The following TMEM65 variants were observed in gnomAD, a reference collection of about 807,000 sequenced individuals.
TMEM65 encodes the protein transmembrane protein 65.
In TMEM65, 22 loss-of-function variants were observed where a neutral mutation model predicts 25.4. The observed-to-expected ratio is 0.86, with a 90% CI of 0.62 to 1.23. The LOEUF (loss-of-function observed/expected upper bound fraction) is 1.23, where lower values mean the gene tolerates loss of function less well. Among genes scored for constraint, TMEM65 ranks in the 50% most tolerant of loss-of-function variants. The pLI is 0.00. For synonymous variants in TMEM65, 132 were observed against 126.2 expected (o/e 1.05, Z -0.31); for missense variants, 262 against 308.2 (o/e 0.85, Z 1.12).
chr8:124,323,054 G>T (rs941739259), intron 4 of TMEM65, among the ~76,000 whole-genome samples: 4 of 151,972 alleles, frequency 2.6e-5, no homozygotes, highest in Admixed American at 2.6e-4. Flanking sequence ...ATGTTTAGGG[G>T]TAACACTGAA....
chr8:124,350,908 C>G (rs1814698350), intron 1 of TMEM65: 1 of 797,378 alleles, frequency 1.3e-6, no homozygotes, highest in South Asian at 5.7e-5. Context: ...AGTTATTGTT[C>G]CATCATACAG....
intron 1 of TMEM65, among the ~76,000 whole-genome samples, chr8:124,355,599 T>C (rs756681908): frequency 2.8e-4 from 43 of 152,198 alleles, no homozygotes; most frequent in Admixed American, 3.3e-4. Context: ...CAAATTAAAA[T>C]TTGGGAAGCA....
intron 4 of TMEM65, 57 bp downstream of exon 4, chr8:124,323,264 T>C (rs577256559): frequency 3.1e-6 from 3 of 956,224 alleles, no homozygotes; most frequent in Non-Finnish European, 4.7e-6. Flanking sequence ...AAACTTAATC[T>C]ACTGAAATGT....
At chr8:124,353,168 T>G (rs1814735194) in intron 1 of TMEM65, among the ~76,000 whole-genome samples, 1 of 151,864 alleles carries the variant, frequency 6.6e-6, no homozygotes, top group Admixed American at 6.6e-5. Context: ...GAGACAGGCT[T>G]CCACACACTA....
chr8:124,311,208 T>C lies in TMEM65; in HGVS notation c.*2752A>G, dbSNP rs886508073. The stretch of plus-strand genomic sequence containing the variant: ...CTCACTCTTCACTCATACGCTGATG[T>C]TGTATCTCAGGTGCAGATTCCAGGG... On this transcript the variant is annotated 3_prime_UTR_variant, in exon 7 of 7. Transcript: ENST00000297632. 9 of 152,284 alleles carry C rather than the reference T, an allele frequency of 5.9e-5. No homozygotes were observed. The highest frequency in any genetic ancestry group is 5.9e-4 in the Admixed American group (9 of 15,278). 9.4% of individuals were successfully genotyped at this position (152,284 alleles called of 1,614,324 possible).
intron 1 of TMEM65, among the ~76,000 whole-genome samples, chr8:124,336,810 T>C (rs1814513765): frequency 6.6e-6 from 1 of 151,630 alleles, no homozygotes; most frequent in Admixed American, 6.6e-5. Context: ...AAAGAAGCAA[T>C]GAAACAGAAA....
chr8:124,344,591 T>C (rs1194740788), intron 1 of TMEM65, among the ~76,000 whole-genome samples: 7 of 152,188 alleles, frequency 4.6e-5, no homozygotes, highest in Admixed American at 4.6e-4. Context: ...CATAAATATA[T>C]CTGGTATGAT....
At position 124,326,727 on chromosome 8, in the gene TMEM65, T is replaced by A. The variant is rs1202706702; in HGVS notation, c.417+627A>T. On this transcript the variant is annotated intron_variant, in intron 3 of 6. Coordinates refer to ENST00000297632, the MANE Select transcript of TMEM65 (RefSeq NM_194291.3). ...CTGACTTTAGAATATGAACCTAATA[T>A]TGGTATCCATTAGCAGGCCTTATAT... Among the ~76,000 whole-genome samples, 4 of 152,196 alleles carry A rather than the reference T, an allele frequency of 2.6e-5. No homozygotes were observed. In the East Asian group the frequency reaches 7.7e-4, roughly 29 times the overall value.
At chr8:124,321,826 A>G (rs982317519) in intron 5 of TMEM65, among the ~76,000 whole-genome samples, 2 of 152,174 alleles carry the variant, frequency 1.3e-5, no homozygotes, top group Admixed American at 6.6e-5. Flanking sequence ...AAACTTTTGC[A>G]TACATCAGAA....
intron 3 of TMEM65, among the ~76,000 whole-genome samples, chr8:124,326,314 G>T (rs57243330): frequency 9.5e-4 from 144 of 151,994 alleles, no homozygotes; most frequent in African/African-American, 3.1e-3. Context: ...TTCACATAAG[G>T]TATTCTAAAA....
At position 124,312,976 on chromosome 8, in the gene TMEM65, G is replaced by GA. The variant is rs201559272; in HGVS notation, c.*983dup. On this transcript the variant is annotated 3_prime_UTR_variant, in exon 7 of 7. Coordinates refer to ENST00000297632, the MANE Select transcript of TMEM65 (RefSeq NM_194291.3). ...GATGAGAAGATGACATCTTTGGAGG[G>GA]AAAAAAAAAAACCTTACCAAATAAT... 0.066 allele frequency: 9,438 copies of GA among 142,820 alleles called. 713 individuals carry two copies. The highest frequency in any genetic ancestry group is 0.18 in the African/African-American group (7,102 of 39,664). The allele number at this position is 142,820 out of a possible 1,614,324, so 8.8% of individuals were successfully genotyped here.
chr8:124,342,402 G>T (rs1451734414), intron 1 of TMEM65, among the ~76,000 whole-genome samples: 3 of 152,042 alleles, frequency 2.0e-5, no homozygotes, highest in Non-Finnish European at 2.9e-5. Context: ...ACATAAAGCA[G>T]AACAAGAATT....
intron 1 of TMEM65, among the ~76,000 whole-genome samples, chr8:124,339,376 T>C (rs1004705515): frequency 1.3e-5 from 2 of 150,890 alleles, no homozygotes; most frequent in Non-Finnish European, 2.9e-5. Flanking sequence ...AAAAAAGTTA[T>C]TTCTGTATAT....
Position 124,311,154 on chromosome 8 carries a change from T to C in TMEM65, c.*2806A>G, listed in dbSNP as rs1237108394. The stretch of plus-strand genomic sequence containing the variant: ...TGTAAATACCCATCAGTGTGACTTA[T>C]GTGAGTCTATCTAAAGCTTTTCTAT... On this transcript the variant is annotated 3_prime_UTR_variant, in exon 7 of 7. Transcript: ENST00000297632. 2.0e-5 allele frequency: 3 copies of C among 152,216 alleles called. No homozygotes were observed. Among genetic ancestry groups the C allele is most frequent in the South Asian group, 2.1e-4 (1 of 4,836 alleles). The allele number at this position is 152,216 out of a possible 1,614,324, so 9.4% of individuals were successfully genotyped here. A position where few individuals can be genotyped will look rare whatever the true frequency, so the allele number is the denominator to read the frequency against.
chr8:124,315,316 T>G (rs942679955), intron 6 of TMEM65, among the ~76,000 whole-genome samples: 2 of 2,318 alleles, frequency 8.6e-4, no homozygotes, highest in Non-Finnish European at 2.1e-3. Flanking sequence ...ATCCTACAGT[T>G]TTTTTTTTGT....
At chr8:124,338,150 T>C (rs902545756) in intron 1 of TMEM65, among the ~76,000 whole-genome samples, 3 of 152,220 alleles carry the variant, frequency 2.0e-5, no homozygotes, top group African/African-American at 4.8e-5. Flanking sequence ...TTCTGCCTTT[T>C]CCACAAAGCA....
intron 1 of TMEM65, among the ~76,000 whole-genome samples, chr8:124,332,563 C>A (rs1814445204): frequency 1.3e-5 from 2 of 152,054 alleles, no homozygotes; most frequent in Non-Finnish European, 2.9e-5. Flanking sequence ...TCCTTTCTTT[C>A]TTTCCTACTA....
chr8:124,349,335 A>AT (rs33986478), intron 1 of TMEM65, among the ~76,000 whole-genome samples: 53,474 of 151,600 alleles, frequency 0.35, 9,757 homozygotes, highest in East Asian at 0.56. Context: ...CTTCAGATAC[A>AT]TTTTTTTTAA....
In TMEM65 at chr8:124,372,285, G is replaced by T; in HGVS notation, c.-128C>A. 1.1e-6 allele frequency: 1 copy of T among 916,078 alleles called. No homozygotes were observed. The highest frequency in any genetic ancestry group is 1.4e-6 in the Non-Finnish European group (1 of 737,046). 56.7% of individuals were successfully genotyped at this position (916,078 alleles called of 1,614,324 possible). On this transcript the variant is annotated 5_prime_UTR_variant, in exon 1 of 7. Coordinates refer to ENST00000297632, the MANE Select transcript of TMEM65 (RefSeq NM_194291.3). Reference sequence around the variant, plus strand: ...CCTCCTGCCAGGCAGCCGAGGCGCCGGGCACCATGCACTCCGCGGGCCCGC... The same window carrying T: ...CCTCCTGCCAGGCAGCCGAGGCGCCTGGCACCATGCACTCCGCGGGCCCGC...
Sources: allele counts gnomAD v4.1 joint callset (sites outside exome capture counted in the v4.1 genomes callset), GRCh38; gene constraint gnomAD v4.1.1; transcripts MANE v1.5; gene names NCBI Gene and HGNC (gene_info 2026-07-23, HGNC 2026-07-21).